The following WSCD1 variants were observed in gnomAD, a reference collection of about 807,000 sequenced individuals.
WSCD1 encodes the protein WSC domain sialate O sulfotransferase 1.
A neutral mutation model predicts 60.4 loss-of-function variants in WSCD1; 41 were observed. The ratio of observed to expected loss-of-function variants is 0.68; its 90% CI spans 0.53 to 0.88. The LOEUF (loss-of-function observed/expected upper bound fraction) is 0.88, where lower values mean the gene tolerates loss of function less well. Ranked by LOEUF, WSCD1 falls within the 40% of genes least tolerant of loss-of-function variation. WSCD1 has a pLI of 0.00. For missense variants in WSCD1, 784 were observed against 796.2 expected, an observed-to-expected ratio of 0.98 and a Z score of 0.18; for synonymous variants, 361 against 332.5, an observed-to-expected ratio of 1.09 and a Z score of -0.93.
At position 6,088,103 on chromosome 17, in the gene WSCD1, C is replaced by T. The variant is rs771122139; in HGVS notation, c.541C>T (p.Arg181Trp). 59 of 1,613,588 alleles carry T rather than the reference C, an allele frequency of 3.7e-5. No homozygotes were observed. The highest frequency in any genetic ancestry group is 6.7e-5 in the Admixed American group (4 of 60,002). Residue 181 changes from arginine to tryptophan, a missense_variant and splice_region_variant, in exon 3 of 9, where the codon CGG becomes TGG. Physicochemically the swap from Arg to Trp is moderately radical, Grantham distance 101. Transcript: ENST00000317744. ...VSHCQDACAE[R>W]SYVYAGLEAG... Reference sequence around the variant, plus strand: ...CCACTGCCAGGATGCGTGTGCTGAGCGGTGAGTGCTGGGGCCCTGGACTGT... The same window carrying T: ...CCACTGCCAGGATGCGTGTGCTGAGTGGTGAGTGCTGGGGCCCTGGACTGT...
At chr17:6,100,041 G>C (rs1430832722) in intron 5 of WSCD1, among the ~76,000 whole-genome samples, 1 of 152,168 alleles carries the variant, frequency 6.6e-6, no homozygotes, top group Non-Finnish European at 1.5e-5. Context: ...GGGAGGGGCT[G>C]GTATGGCTTG....
At chr17:6,099,522 A>G (rs1233039579) in intron 5 of WSCD1, among the ~76,000 whole-genome samples, 1 of 113,718 alleles carries the variant, frequency 8.8e-6, no homozygotes, top group African/African-American at 4.4e-5. Flanking sequence ...CTCAAAAACA[A>G]AAAAAAAAAG....
chr17:6,113,699 C>T (rs1238516814), intron 7 of WSCD1, among the ~76,000 whole-genome samples: 1 of 152,082 alleles, frequency 6.6e-6, no homozygotes, highest in East Asian at 1.9e-4. Flanking sequence ...AGACATTTAT[C>T]AAAAGAAGAC....
At chr17:6,090,532 T>G in intron 4 of WSCD1, 27 bp downstream of exon 4, 1 of 1,609,822 alleles carries the variant, frequency 6.2e-7, no homozygotes, top group Non-Finnish European at 8.5e-7. Flanking sequence ...CTTCCTGAGC[T>G]TTGTCCGTCT....
In WSCD1 at chr17:6,096,176, C is replaced by G. The variant is rs577153333; in HGVS notation, c.849+953C>G. On this transcript the variant is annotated intron_variant, in intron 5 of 8. Transcript: ENST00000317744. ...CCCTACAGCTAGGTGCTGTGATTAT[C>G]TGCATTTTCCAGGTGAGGAAACTGA... is the stretch of plus-strand genomic sequence containing the variant. Among the ~76,000 whole-genome samples, 9 of 152,302 alleles carry G rather than the reference C, an allele frequency of 5.9e-5. No individual in the cohort carries two copies. The South Asian group carries it at 1.7e-3, about 28-fold the overall frequency.
chr17:6,102,572 T>G (rs1456372722), intron 5 of WSCD1, among the ~76,000 whole-genome samples: 1 of 152,258 alleles, frequency 6.6e-6, no homozygotes, highest in Non-Finnish European at 1.5e-5. Flanking sequence ...TTAGAGAATT[T>G]GAAAATTTTC....
intron 5 of WSCD1, among the ~76,000 whole-genome samples, chr17:6,102,802 C>T (rs1910878920): frequency 6.6e-6 from 1 of 152,100 alleles, no homozygotes. Context: ...TCCTGAGGGA[C>T]ATTTAGGCCA....
intron 4 of WSCD1, among the ~76,000 whole-genome samples, chr17:6,091,375 A>T (rs1910028727): frequency 6.6e-6 from 1 of 152,144 alleles, no homozygotes; most frequent in Non-Finnish European, 1.5e-5. Context: ...CCCACAGTGG[A>T]GAGAGTTAGA....
At position 6,121,096 on chromosome 17, in the gene WSCD1, G is replaced by C. The variant is rs1433790521; in HGVS notation, c.*435G>C. The C allele has an allele frequency of 1.5e-5, 3 of 194,094 alleles. No homozygotes were observed. The Admixed American group carries it at 1.6e-4, about 11-fold the overall frequency. The allele number at this position is 194,094 out of a possible 1,614,324, so 12.0% of individuals were successfully genotyped here. A position where few individuals can be genotyped will look rare whatever the true frequency, so the allele number is the denominator to read the frequency against. ...GGATCCGGGAGGCCCTGGGCTTCCTGTGTGTAGCCCTGGCATAGACTTGCT... is the reference window on the plus strand; with the variant it reads ...GGATCCGGGAGGCCCTGGGCTTCCTCTGTGTAGCCCTGGCATAGACTTGCT... On this transcript the variant is annotated 3_prime_UTR_variant, in exon 9 of 9. Transcript: ENST00000317744.
chr17:6,106,568 G>C (rs938194000), intron 5 of WSCD1, among the ~76,000 whole-genome samples: 6 of 152,226 alleles, frequency 3.9e-5, no homozygotes, highest in African/African-American at 1.4e-4. Flanking sequence ...CGAATCCATG[G>C]TGATAGAAAT....
intron 1 of WSCD1, among the ~76,000 whole-genome samples, chr17:6,078,795 C>T (rs1196499470): frequency 6.6e-6 from 1 of 151,994 alleles, no homozygotes; most frequent in Non-Finnish European, 1.5e-5. Context: ...GGAGGATCAC[C>T]CTGGCAGCCT....
At chr17:6,114,801 C>T (rs1402182051) in intron 7 of WSCD1, among the ~76,000 whole-genome samples, 1 of 151,996 alleles carries the variant, frequency 6.6e-6, no homozygotes, top group Non-Finnish European at 1.5e-5. Flanking sequence ...TTGTAAGCCC[C>T]GTATGCCTTA....
Position 6,121,822 on chromosome 17 carries a change from C to T in WSCD1, c.*1161C>T, listed in dbSNP as rs1354939040. 1 of 152,224 alleles carries T rather than the reference C, an allele frequency of 6.6e-6. No homozygotes were observed. The highest frequency in any genetic ancestry group is 1.5e-5 in the Non-Finnish European group (1 of 68,126). 9.4% of individuals were successfully genotyped at this position (152,224 alleles called of 1,614,324 possible). On this transcript the variant is annotated 3_prime_UTR_variant, in exon 9 of 9. Coordinates refer to ENST00000317744, the MANE Select transcript of WSCD1 (RefSeq NM_015253.2). ...CTGGGATGGGGGTCAATGTATGCTA[C>T]ACATCTTGGGCTCACAAGTGAGGCT...
intron 2 of WSCD1, 139 bp from the exon 3 acceptor site, chr17:6,087,851 G>A (rs1245007661): frequency 1.3e-5 from 8 of 632,444 alleles, no homozygotes; most frequent in African/African-American, 1.8e-5. Flanking sequence ...GAGTGGGAGG[G>A]AGGTAGCCTG....
chr17:6,102,466 T>G (rs1279808055), intron 5 of WSCD1, among the ~76,000 whole-genome samples: 1 of 152,246 alleles, frequency 6.6e-6, no homozygotes, highest in Admixed American at 6.5e-5. Flanking sequence ...GAATTGCTTA[T>G]AAAAAGTCTG....
rs1267388720 is a variant in WSCD1, at chr17:6,090,600, A to G, written c.727+95A>G. 4.5e-5 allele frequency: 67 copies of G among 1,500,758 alleles called. 1 individual carries two copies. In the Admixed American group the frequency reaches 1.5e-3, roughly 33 times the overall value. The allele number at this position is 1,500,758 out of a possible 1,614,324, so 93.0% of individuals were successfully genotyped here. ...ACCTCTCAATGAAACTACCTGGGGCAGAACCTGTGCCAACCTCTGCCCTCC... is the reference window on the plus strand; with the variant it reads ...ACCTCTCAATGAAACTACCTGGGGCGGAACCTGTGCCAACCTCTGCCCTCC... On this transcript the variant is annotated intron_variant, in intron 4 of 8. Transcript: ENST00000317744.
intron 1 of WSCD1, among the ~76,000 whole-genome samples, chr17:6,078,458 G>A (rs1168738632): frequency 6.6e-6 from 1 of 152,214 alleles, no homozygotes. Context: ...GATTTGATAA[G>A]TGAAGAGGAA....
intron 1 of WSCD1, among the ~76,000 whole-genome samples, chr17:6,076,548 A>G: frequency 6.6e-6 from 1 of 152,144 alleles, no homozygotes; most frequent in East Asian, 1.9e-4. Context: ...AATCCATGCC[A>G]CAGTCTGTAG....
In WSCD1 at chr17:6,080,978, C is replaced by T. The variant is rs759999130; in HGVS notation, c.320C>T (p.Ser107Leu). The part of the protein sequence containing the change: ...PGPRWLRSRN[S>L]ELRQLRRRWF... Reference sequence around the variant, plus strand: ...CCCCGCTGGCTCCGGAGCCGCAACTCGGAGCTGCGTCAGTTGCGTCGCCGC... The same window carrying T: ...CCCCGCTGGCTCCGGAGCCGCAACTTGGAGCTGCGTCAGTTGCGTCGCCGC... Residue 107 changes from serine (S) to leucine (L), a missense_variant, in exon 2 of 9, where the codon TCG becomes TTG. Transcript: ENST00000317744. The surrounding 1 kb of genome is among the most constrained non-coding windows in gnomAD (Gnocchi z 6.6). 1.1e-5 allele frequency: 17 copies of T among 1,550,886 alleles called. No individual in the cohort carries two copies. Among genetic ancestry groups the T allele is most frequent in the East Asian group, 2.4e-5 (1 of 41,916 alleles).
Sources: allele counts gnomAD v4.1 joint callset (sites outside exome capture counted in the v4.1 genomes callset), GRCh38; gene constraint gnomAD v4.1.1; non-coding constraint Gnocchi (gnomAD v3.1); transcripts MANE v1.5; gene names NCBI Gene and HGNC (gene_info 2026-07-23, HGNC 2026-07-21).